The following PDE11A variants were observed in gnomAD, a reference collection of about 807,000 sequenced individuals.
PDE11A encodes phosphodiesterase 11A.
In PDE11A, 100 loss-of-function variants were observed where a neutral mutation model predicts 100.5. The ratio of observed to expected loss-of-function variants is 1.00; its 90% CI spans 0.85 to 1.18. The LOEUF (loss-of-function observed/expected upper bound fraction) is 1.18. Ranked by LOEUF, PDE11A falls within the 50% of genes most tolerant of loss-of-function variation. The probability of loss-of-function intolerance (pLI) is 0.00; values close to 1 mark genes in which losing one functional copy is unlikely to be tolerated. For missense variants in PDE11A, 1,141 were observed against 1,152.6 expected (o/e 0.99, Z 0.15); for synonymous variants, 381 against 420.8 (o/e 0.91, Z 1.16).
chr2:178,016,683 G>A (rs1419891991), intron 1 of PDE11A, among the ~76,000 whole-genome samples: 1 of 152,180 alleles, frequency 6.6e-6, no homozygotes, highest in Non-Finnish European at 1.5e-5. Context: ...CAAATAAGCC[G>A]AGACTTCAAT....
rs866905458 is a variant in PDE11A at position 177,730,124 on chromosome 2, C to T, written c.1789-1952G>A. 9.5e-4 allele frequency among the ~76,000 whole-genome samples: 144 copies of T among 152,178 alleles called. 1 individual carries two copies. The highest frequency in any genetic ancestry group is 3.3e-3 in the African/African-American group (137 of 41,536). On this transcript the variant is annotated intron_variant, in intron 10 of 19. Transcript: ENST00000286063. Reference sequence around the variant, plus strand: ...TAAGTTCTAGGGTACATGTGCACAACGTGCAGGTTTGTTACACATGTATAC... The same window carrying T: ...TAAGTTCTAGGGTACATGTGCACAATGTGCAGGTTTGTTACACATGTATAC...
intron 2 of PDE11A, among the ~76,000 whole-genome samples, chr2:177,959,358 G>T (rs537423563): frequency 6.6e-6 from 1 of 152,166 alleles, no homozygotes; most frequent in African/African-American, 2.4e-5. Context: ...AAAAGTGCCC[G>T]TGGCAGTTTT....
intron 1 of PDE11A, among the ~76,000 whole-genome samples, chr2:178,029,975 C>T (rs907297103): frequency 6.6e-6 from 1 of 152,148 alleles, no homozygotes; most frequent in Non-Finnish European, 1.5e-5. Flanking sequence ...AGGCCCTCAC[C>T]AGATGCAGAC....
At chr2:177,805,761 T>C (rs1258304032) in intron 9 of PDE11A, among the ~76,000 whole-genome samples, 1 of 151,944 alleles carries the variant, frequency 6.6e-6, no homozygotes. Context: ...TAGTGGAAAA[T>C]AGAAAGGATT....
At chr2:177,793,904 GCA>G (rs1379578023) in intron 9 of PDE11A, among the ~76,000 whole-genome samples, 12 of 152,288 alleles carry the variant, frequency 7.9e-5, no homozygotes, top group Admixed American at 1.3e-4. Context: ...GCAGGAATGG[GCA>G]CCAGTATTGG....
chr2:178,083,635 A>G (rs2087314185), intron 2 of PDE11A, among the ~76,000 whole-genome samples: 1 of 152,202 alleles, frequency 6.6e-6, no homozygotes, highest in Non-Finnish European at 1.5e-5. Flanking sequence ...TTTTCCTGCT[A>G]AAGTAGTTCC....
At chr2:177,631,291 C>CAAAAAGAAA (rs2079914741) in intron 19 of PDE11A, among the ~76,000 whole-genome samples, 1 of 11,876 alleles carries the variant, frequency 8.4e-5, no homozygotes, top group African/African-American at 2.2e-4. Context: ...ACTAAAAATG[C>CAAAAAGAAA]AAAAAAAAAA....
chr2:177,741,698 A>G (rs1165647630), intron 10 of PDE11A, among the ~76,000 whole-genome samples: 1 of 152,198 alleles, frequency 6.6e-6, no homozygotes, highest in Non-Finnish European at 1.5e-5. Flanking sequence ...AATATATTCA[A>G]TATGGGGTTA....
At chr2:177,632,454 C>T (rs2105434562) in intron 19 of PDE11A, among the ~76,000 whole-genome samples, 1 of 152,290 alleles carries the variant, frequency 6.6e-6, no homozygotes, top group African/African-American at 2.4e-5. Context: ...AATTCTATCA[C>T]CCATCATCTT....
chr2:177,727,412 A>C (rs1364559475), intron 12 of PDE11A, among the ~76,000 whole-genome samples: 1 of 152,166 alleles, frequency 6.6e-6, no homozygotes, highest in African/African-American at 2.4e-5. Flanking sequence ...AAGTTTACCA[A>C]GAAAAAATAC....
intron 8 of PDE11A, among the ~76,000 whole-genome samples, chr2:177,817,445 G>A (rs7557283): frequency 0.41 from 61,736 of 151,986 alleles, 14,375 homozygotes; most frequent in African/African-American, 0.64. Context: ...CTATGAGGAA[G>A]CCCATTCAAG....
intron 13 of PDE11A, among the ~76,000 whole-genome samples, chr2:177,704,648 C>G (rs1200337065): frequency 6.6e-6 from 1 of 152,120 alleles, no homozygotes; most frequent in African/African-American, 2.4e-5. Context: ...ACTAGTTCTT[C>G]TGAATGTTAA....
chr2:177,794,790 GTTTGTTTGTTTT>G (rs1430342748), intron 9 of PDE11A, among the ~76,000 whole-genome samples: 1 of 106,204 alleles, frequency 9.4e-6, no homozygotes, highest in African/African-American at 3.9e-5. Flanking sequence ...TTGTTTGTTT[GTTTGTTTGTTTT>G]TGAGACAGAG....
intron 4 of PDE11A, among the ~76,000 whole-genome samples, chr2:177,894,568 T>G (rs559639453): frequency 6.6e-6 from 1 of 152,138 alleles, no homozygotes; most frequent in East Asian, 1.9e-4. Flanking sequence ...TCGAATAGCC[T>G]CCTCATTATT....
At chr2:178,052,446 T>C (rs1282266202) in intron 1 of PDE11A, among the ~76,000 whole-genome samples, 1 of 151,956 alleles carries the variant, frequency 6.6e-6, no homozygotes, top group Non-Finnish European at 1.5e-5. Flanking sequence ...ACATCACAAT[T>C]AAAAGAACTA....
chr2:178,044,087 A>G (rs1156298801), intron 1 of PDE11A, among the ~76,000 whole-genome samples: 1 of 152,272 alleles, frequency 6.6e-6, no homozygotes. Flanking sequence ...GACCAGTTCA[A>G]CACCAGGTCT....
chr2:177,655,851 A>G (rs1272936240), intron 19 of PDE11A, among the ~76,000 whole-genome samples: 1 of 152,230 alleles, frequency 6.6e-6, no homozygotes, highest in Non-Finnish European at 1.5e-5. Flanking sequence ...TCGAAATCAT[A>G]TGTATGCAAT....
At chr2:177,683,659 T>C (rs2080899887) in intron 15 of PDE11A, among the ~76,000 whole-genome samples, 1 of 152,198 alleles carries the variant, frequency 6.6e-6, no homozygotes, top group African/African-American at 2.4e-5. Flanking sequence ...GCTGAGTCTT[T>C]TTCCTTTTTG....
chr2:177,729,553 A>C (rs1312540582), intron 10 of PDE11A, among the ~76,000 whole-genome samples: 1 of 152,182 alleles, frequency 6.6e-6, no homozygotes, highest in Non-Finnish European at 1.5e-5. Flanking sequence ...GAGGCTGTGC[A>C]GTCTGAAATG....
Sources: gnomAD v4.1 joint callset for allele counts (sites outside exome capture counted in the v4.1 genomes callset) on GRCh38, gnomAD v4.1.1 for gene constraint, MANE v1.5 for transcripts, NCBI Gene and HGNC (gene_info 2026-07-23, HGNC 2026-07-21) for gene names.